Variants in SPOCK2 observed in about 807,000 individuals in gnomAD.
SPOCK2 encodes SPARC (osteonectin), cwcv and kazal like domains proteoglycan 2, also known as testican-2.
A neutral mutation model predicts 60.1 loss-of-function variants in SPOCK2; 39 were observed. That is an observed-to-expected ratio of 0.65 (90% confidence interval 0.50 to 0.85). The LOEUF (loss-of-function observed/expected upper bound fraction) is 0.85. Ranked by LOEUF, SPOCK2 falls within the 40% of genes least tolerant of loss-of-function variation. The pLI is 0.00. For missense variants in SPOCK2, 523 were observed against 567.4 expected (o/e 0.92, Z 0.80); for synonymous variants, 217 against 231.5 (o/e 0.94, Z 0.57).
At position 72,070,411 on chromosome 10, in the gene SPOCK2, G is replaced by C. The variant is rs758607028; in HGVS notation, c.375C>G (p.Thr125=). Residue 125 remains threonine, a synonymous_variant, in exon 5 of 11, where the codon ACC becomes ACG. Coordinates refer to ENST00000373109, the MANE Select transcript of SPOCK2 (RefSeq NM_001244950.2). ...KKLEHRIKQP[T]VKLHGNKDSI... ...AGTCTTTGTTTCCATGGAGTTTCAC[G>C]GTCGGCTGCTTGATCCTACAGGAGA... The C allele has an allele frequency of 1.9e-6, 3 of 1,614,008 alleles. No homozygotes were observed. Among genetic ancestry groups the C allele is most frequent in the Non-Finnish European group, 2.5e-6 (3 of 1,180,006 alleles).
chr10:72,070,773 G>A (rs1219678025), intron 4 of SPOCK2, among the ~76,000 whole-genome samples: 1 of 152,088 alleles, frequency 6.6e-6, no homozygotes, highest in Non-Finnish European at 1.5e-5. Context: ...GCAAACTGAT[G>A]ACCTCTGGGC....
rs889942046 is a variant in SPOCK2 at position 72,088,396 on chromosome 10, G to A, written c.-68C>T. ...ATTTTAATGTCCTTCCTCCCACCCC[G>A]CTGCTGGCGAAGCGCACGCGGCTGT... On this transcript the variant is annotated 5_prime_UTR_variant, in exon 1 of 11. Transcript: ENST00000373109. 15 of 1,431,700 alleles carry A rather than the reference G, an allele frequency of 1.0e-5. No homozygotes were observed. The highest frequency in any genetic ancestry group is 1.4e-5 in the Non-Finnish European group (15 of 1,092,694). 88.7% of individuals were successfully genotyped at this position (1,431,700 alleles called of 1,614,324 possible). A position where few individuals can be genotyped will look rare whatever the true frequency, so the allele number is the denominator to read the frequency against.
At chr10:72,068,015 G>A (rs190383319) in intron 6 of SPOCK2, among the ~76,000 whole-genome samples, 172 bp downstream of exon 6, 9 of 151,992 alleles carry the variant, frequency 5.9e-5, no homozygotes, top group Admixed American at 5.2e-4. Flanking sequence ...CTGAGCCCAC[G>A]CCTCCTGCTC....
rs558498971 is a variant in SPOCK2 at position 72,062,531 on chromosome 10, C to T, written c.*229G>A. On this transcript the variant is annotated 3_prime_UTR_variant, in exon 11 of 11. Transcript: ENST00000373109. The surrounding 1 kb of genome is among the most constrained non-coding windows in gnomAD (Gnocchi z 4.3). ...TGTGGATCAAGGACACATTTGTCAGCGCATGCCACACACACACACACATAC... is the reference window on the plus strand; with the variant it reads ...TGTGGATCAAGGACACATTTGTCAGTGCATGCCACACACACACACACATAC... 1.3e-3 allele frequency: 1,006 copies of T among 745,568 alleles called. No individual in the cohort carries two copies. The highest frequency in any genetic ancestry group is 1.8e-3 in the Non-Finnish European group (903 of 496,438). The allele number at this position is 745,568 out of a possible 1,614,324, so 46.2% of individuals were successfully genotyped here. A position where few individuals can be genotyped will look rare whatever the true frequency, so the allele number is the denominator to read the frequency against.
intron 1 of SPOCK2, chr10:72,086,983 A>T: frequency 6.4e-7 from 1 of 1,551,606 alleles, no homozygotes; most frequent in Non-Finnish European, 8.7e-7. Context: ...GGTGGGTCGG[A>T]CGAGGGAACC....
chr10:72,067,299 T>A lies in SPOCK2; in HGVS notation c.710-179A>T, dbSNP rs756268175. Among the ~76,000 whole-genome samples the A allele has an allele frequency of 2.0e-5, 3 of 152,274 alleles. 1 individual carries two copies. The South Asian group carries it at 6.2e-4, about 32-fold the overall frequency. ...AAAGGTCCTTCCTTCCACCTCCACA[T>A]AGGACTATGCCTGAACCATTCAAAA... is the stretch of plus-strand genomic sequence containing the variant. On this transcript the variant is annotated intron_variant, in intron 7 of 10. Transcript: ENST00000373109.
intron 1 of SPOCK2, chr10:72,086,941 G>T (rs1195887072): frequency 6.4e-7 from 1 of 1,551,590 alleles, no homozygotes; most frequent in African/African-American, 1.4e-5. Flanking sequence ...GGAGAAAACG[G>T]GAGAGGTCAT....
intron 1 of SPOCK2, among the ~76,000 whole-genome samples, chr10:72,077,261 C>T (rs1330422538): frequency 6.6e-6 from 1 of 152,158 alleles, no homozygotes; most frequent in East Asian, 1.9e-4. Flanking sequence ...CCTGGGAGCA[C>T]AGGCATGTGC....
intron 1 of SPOCK2, among the ~76,000 whole-genome samples, chr10:72,082,853 CAAAAAAAAAAAAAAA>C (rs770751183): frequency 2.2e-5 from 1 of 46,014 alleles, no homozygotes; most frequent in Admixed American, 2.6e-4. Flanking sequence ...GACCCTGTCT[CAAAAAAAAAAAAAAA>C]AAAAAAAAAG....
chr10:72,072,715 C>T (rs937411913), intron 2 of SPOCK2, 167 bp from the exon 3 acceptor site: 1 of 1,329,744 alleles, frequency 7.5e-7, no homozygotes, highest in Non-Finnish European at 1.1e-6. Flanking sequence ...GCCTCCCCCA[C>T]ACCTCTATCC....
At position 72,088,293 on chromosome 10, in the gene SPOCK2, C is replaced by T. The variant is rs375564852; in HGVS notation, c.36G>A (p.Pro12=). The T allele has an allele frequency of 1.8e-5, 29 of 1,597,152 alleles. No homozygotes were observed. The highest frequency in any genetic ancestry group is 2.3e-5 in the Non-Finnish European group (27 of 1,173,420). Residue 12 remains proline (P), a synonymous_variant, in exon 1 of 11, where the codon CCG becomes CCA. Transcript: ENST00000373109. Reference sequence around the variant, plus strand: ...GGGCTGCCGCGGCCAGGAGCAGCAGCGGCAGCACCAGCCGCCCGCAGCCCG... The same window carrying T: ...GGGCTGCCGCGGCCAGGAGCAGCAGTGGCAGCACCAGCCGCCCGCAGCCCG... ...RAPGCGRLVL[P]LLLLAAAALA... is the part of the protein sequence containing the mutation.
intron 9 of SPOCK2, 32 bp downstream of exon 9, chr10:72,064,143 ACCT>A: frequency 1.2e-6 from 2 of 1,607,362 alleles, no homozygotes; most frequent in South Asian, 2.2e-5. Context: ...AGCCGTCCCC[ACCT>A]CCTCCTCTGA....
chr10:72,065,999 C>G (rs560529198), intron 8 of SPOCK2, among the ~76,000 whole-genome samples: 1 of 152,308 alleles, frequency 6.6e-6, no homozygotes, highest in Admixed American at 6.5e-5. Context: ...GCCGATCCCC[C>G]ACCAAGATGG....
Position 72,087,007 on chromosome 10 carries a change from G to GT in SPOCK2, c.189+1132dup. 6.4e-7 allele frequency: 1 copy of GT among 1,551,418 alleles called. No homozygotes were observed. Among genetic ancestry groups the GT allele is most frequent in the South Asian group, 1.2e-5 (1 of 84,052 alleles). ...GACGAGGGAACCTGGGGAAGGAGGA[G>GT]TAAGGGCCAGGGTCCTAGAAGAGGT... On this transcript the variant is annotated intron_variant, in intron 1 of 10. Coordinates refer to ENST00000373109, the MANE Select transcript of SPOCK2 (RefSeq NM_001244950.2). This position sits in a 1 kb window ranked among gnomAD's most constrained non-coding sequence, Gnocchi z 4.7.
chr10:72,087,409 G>A lies in SPOCK2; in HGVS notation c.189+731C>T, dbSNP rs146542908. ...CCCGGCTTCTCAAGCCCACCGGGCC[G>A]GGAGCCTTCCTCTGGCTCCGAGCTG... On this transcript the variant is annotated intron_variant, in intron 1 of 10. Transcript: ENST00000373109. This position sits in a 1 kb window ranked among gnomAD's most constrained non-coding sequence, Gnocchi z 4.7. Among the ~76,000 whole-genome samples the A allele has an allele frequency of 1.9e-4, 29 of 152,258 alleles. No individual in the cohort carries two copies. The highest frequency in any genetic ancestry group is 6.8e-3 in the Middle Eastern group (2 of 294).
intron 7 of SPOCK2, 137 bp from the exon 8 acceptor site, chr10:72,067,257 G>T: frequency 1.1e-6 from 1 of 910,164 alleles, no homozygotes; most frequent in Non-Finnish European, 1.6e-6. Context: ...ATGGGATTGA[G>T]AAACTCGAGA....
At position 72,062,969 on chromosome 10, in the gene SPOCK2, C is replaced by G; in HGVS notation, c.1129+56G>C. The G allele has an allele frequency of 3.2e-6, 5 of 1,580,584 alleles. No individual in the cohort carries two copies. The highest frequency in any genetic ancestry group is 4.3e-6 in the Non-Finnish European group (5 of 1,165,658). ...CTGGCACGCACCCCCCAGCATCCCA[C>G]GACAAGGGCCCCCAGGCCTGGGCCC... On this transcript the variant is annotated intron_variant, in intron 10 of 10. Transcript: ENST00000373109. The surrounding 1 kb of genome is among the most constrained non-coding windows in gnomAD (Gnocchi z 4.3).
At chr10:72,076,795 A>T (rs1840720450) in intron 1 of SPOCK2, among the ~76,000 whole-genome samples, 1 of 152,224 alleles carries the variant, frequency 6.6e-6, no homozygotes, top group African/African-American at 2.4e-5. Flanking sequence ...CCTGTGAAGT[A>T]GTCAGAGCCA....
intron 1 of SPOCK2, among the ~76,000 whole-genome samples, chr10:72,077,553 G>A (rs1840729097): frequency 6.6e-6 from 1 of 152,186 alleles, no homozygotes; most frequent in African/African-American, 2.4e-5. Flanking sequence ...AGAGACCACT[G>A]GGCCAGCCAT....
Sources: allele counts gnomAD v4.1 joint callset (sites outside exome capture counted in the v4.1 genomes callset), GRCh38; gene constraint gnomAD v4.1.1; non-coding constraint Gnocchi (gnomAD v3.1); transcripts MANE v1.5; gene names NCBI Gene and HGNC (gene_info 2026-07-23, HGNC 2026-07-21).